The following RB1CC1 variants were observed in gnomAD, a reference collection of about 807,000 sequenced individuals.
The protein encoded by RB1CC1 is RB1-inducible coiled-coil protein 1.
Under a neutral mutation model 177.5 loss-of-function variants are expected in RB1CC1, and 46 were observed. The observed-to-expected ratio is 0.26, with a 90% CI of 0.20 to 0.33. The LOEUF (loss-of-function observed/expected upper bound fraction) is 0.33, where lower values mean the gene tolerates loss of function less well. Among genes scored for constraint, RB1CC1 ranks in the 10% least tolerant of loss-of-function variants. The pLI, the probability that RB1CC1 is intolerant of heterozygous loss-of-function variation, is 1.00. For missense variants in RB1CC1, 1,703 were observed against 1,816.3 expected (o/e 0.94, Z 1.13); for synonymous variants, 666 against 613.6 (o/e 1.09, Z -1.26).
Position 52,623,920 on chromosome 8 carries a change from A to G in RB1CC1, c.4708-61T>C. On this transcript the variant is annotated intron_variant, in intron 23 of 23. Transcript: ENST00000025008. ...ATTAAACCACATCTCTCTCTCTCACACACACACACACACACCCAAAAAACA... is the reference window on the plus strand; with the variant it reads ...ATTAAACCACATCTCTCTCTCTCACGCACACACACACACACCCAAAAAACA... 3 of 969,548 alleles carry G rather than the reference A, an allele frequency of 3.1e-6. No individual in the cohort carries two copies. In the South Asian group the frequency reaches 4.1e-5, roughly 13 times the overall value. The allele number at this position is 969,548 out of a possible 1,614,324, so 60.1% of individuals were successfully genotyped here.
intron 16 of RB1CC1, 118 bp from the exon 17 acceptor site, chr8:52,642,930 A>G (rs1348028782): frequency 9.1e-6 from 10 of 1,102,612 alleles, no homozygotes; most frequent in Admixed American, 3.7e-5. Context: ...ATGATGGGGT[A>G]TGATTCATGA....
intron 7 of RB1CC1, 102 bp downstream of exon 7, chr8:52,673,743 C>T: frequency 9.1e-7 from 1 of 1,101,076 alleles, no homozygotes; most frequent in South Asian, 1.9e-5. Flanking sequence ...TCATTTATTT[C>T]TACTAAAAGG....
chr8:52,666,279 A>G (rs1852059992), intron 8 of RB1CC1, among the ~76,000 whole-genome samples: 1 of 152,106 alleles, frequency 6.6e-6, no homozygotes, highest in South Asian at 2.1e-4. Context: ...TAATCCCAGC[A>G]CTTTTGGAGG....
chr8:52,660,703 A>G (rs1282008994), intron 11 of RB1CC1, 46 bp from the exon 12 acceptor site: 1 of 1,505,302 alleles, frequency 6.6e-7, no homozygotes, highest in Non-Finnish European at 9.0e-7. Flanking sequence ...GCTTTATTTA[A>G]GGCAAAAAAT....
intron 1 of RB1CC1, among the ~76,000 whole-genome samples, chr8:52,699,252 G>C (rs1448911913): frequency 1.3e-5 from 2 of 152,102 alleles, no homozygotes. Flanking sequence ...TACAAGCTGG[G>C]TGATTTTAGA....
intron 11 of RB1CC1, 54 bp downstream of exon 11, chr8:52,660,872 T>C (rs902489751): frequency 1.6e-5 from 24 of 1,462,336 alleles, no homozygotes; most frequent in Non-Finnish European, 2.2e-5. Flanking sequence ...AATCCAAGCT[T>C]ATAAAAACTT....
intron 5 of RB1CC1, among the ~76,000 whole-genome samples, chr8:52,682,745 T>C (rs1354550222): frequency 6.6e-6 from 1 of 152,198 alleles, no homozygotes; most frequent in Non-Finnish European, 1.5e-5. Context: ...AAATTCAGTT[T>C]ACATAAGTAT....
chr8:52,634,386 G>C (rs1053286411), intron 20 of RB1CC1, among the ~76,000 whole-genome samples: 1 of 151,984 alleles, frequency 6.6e-6, no homozygotes, highest in Non-Finnish European at 1.5e-5. Flanking sequence ...AGCCGGGTGT[G>C]ACGGCGCAGC....
chr8:52,673,935 A>T lies in RB1CC1; in HGVS notation c.912T>A (p.Phe304Leu), dbSNP rs565932495. ...IDTKDGDLPF[F>L]NVSLLDWINV... ...TTATCCAGTCTAACAAAGAGACATT[A>T]AAAAAGGGCAGATCACCATCTTTAG... The change falls in exon 7 of 24, where the codon TTT becomes TTA. Residue 304 changes from phenylalanine (F) to leucine (L), a missense_variant. Around this residue, in one of 6 missense-constraint regions of RB1CC1, gnomAD observed 315 missense variants for 304.9 expected, o/e 1.03. Coordinates refer to ENST00000025008, the MANE Select transcript of RB1CC1 (RefSeq NM_014781.5). 13 of 1,614,088 alleles carry T rather than the reference A, an allele frequency of 8.1e-6. No individual in the cohort carries two copies. The highest frequency in any genetic ancestry group is 3.3e-5 in the Admixed American group (2 of 60,028).
At chr8:52,679,419 T>C (rs1853482729) in intron 5 of RB1CC1, among the ~76,000 whole-genome samples, 1 of 152,234 alleles carries the variant, frequency 6.6e-6, no homozygotes, top group South Asian at 2.1e-4. Flanking sequence ...TCTTACTGTT[T>C]ATTGTTTATG....
At chr8:52,689,634 CACA>C (rs1563447652) in intron 1 of RB1CC1, among the ~76,000 whole-genome samples, 1 of 152,090 alleles carries the variant, frequency 6.6e-6, no homozygotes, top group Non-Finnish European at 1.5e-5. Flanking sequence ...TCCTTTCCAC[CACA>C]ACTTTTCACC....
chr8:52,661,502 A>G (rs749146459), intron 9 of RB1CC1, 33 bp downstream of exon 9: 1 of 1,532,124 alleles, frequency 6.5e-7, no homozygotes, highest in Non-Finnish European at 8.8e-7. Flanking sequence ...CCAATTCTAA[A>G]CATCTTAAAA....
chr8:52,697,082 C>A (rs1041331068), intron 1 of RB1CC1, among the ~76,000 whole-genome samples: 2 of 152,174 alleles, frequency 1.3e-5, no homozygotes, highest in African/African-American at 4.8e-5. Context: ...AGCGATTCAA[C>A]TGGACACAGC....
intron 1 of RB1CC1, among the ~76,000 whole-genome samples, chr8:52,698,063 T>C (rs1353486332): frequency 1.3e-5 from 2 of 152,138 alleles, no homozygotes; most frequent in Non-Finnish European, 2.9e-5. Flanking sequence ...CGGATAAAAA[T>C]TAAAAATTTG....
intron 1 of RB1CC1, among the ~76,000 whole-genome samples, chr8:52,702,483 G>A (rs1473459656): frequency 2.0e-5 from 3 of 152,268 alleles, no homozygotes; most frequent in South Asian, 2.1e-4. Flanking sequence ...TTGGGAGGCC[G>A]AGGCAGGTGG....
rs566416312 is a variant in RB1CC1 at position 52,714,313 on chromosome 8, G to A, written c.-405C>T. ...CCCTCGGCTCTGGGTCTGGGGCCGG[G>A]GGACAGAAGGCCGCGGCCTGTCAGA... is the stretch of plus-strand genomic sequence containing the variant. On this transcript the variant is annotated 5_prime_UTR_variant, in exon 1 of 24. Coordinates refer to ENST00000025008, the MANE Select transcript of RB1CC1 (RefSeq NM_014781.5). 1.2e-5 allele frequency: 2 copies of A among 160,144 alleles called. No homozygotes were observed. The highest frequency in any genetic ancestry group is 2.0e-4 in the East Asian group (1 of 5,128). 9.9% of individuals were successfully genotyped at this position (160,144 alleles called of 1,614,324 possible).
At chr8:52,686,671 G>A (rs112227060) in intron 2 of RB1CC1, among the ~76,000 whole-genome samples, 182 bp downstream of exon 2, 170 of 152,242 alleles carry the variant, frequency 1.1e-3, no homozygotes, top group Non-Finnish European at 1.6e-3. Flanking sequence ...ACTGGTGAAC[G>A]ATAACTATAA....
Position 52,658,942 on chromosome 8 carries a change from G to A in RB1CC1, c.1724C>T (p.Pro575Leu), listed in dbSNP as rs199882417. 3 of 1,575,170 alleles carry A rather than the reference G, an allele frequency of 1.9e-6. No individual in the cohort carries two copies. Among genetic ancestry groups the A allele is most frequent in the East Asian group, 2.3e-5 (1 of 42,928 alleles). Residue 575 changes from proline (P) to leucine (L), a missense_variant, in exon 13 of 24, where the codon CCA becomes CTA. Transcript: ENST00000025008. ...CTGTAAATCTTTTAATGAAATATCT[G>A]GAAGTTCACAGTCAAACTTTCGAGG... is the stretch of plus-strand genomic sequence containing the variant. ...QKPRKFDCEL[P>L]DISLKDLQFL...
chr8:52,688,933 A>G (rs1249525401), intron 1 of RB1CC1, among the ~76,000 whole-genome samples: 3 of 152,164 alleles, frequency 2.0e-5, no homozygotes, highest in Non-Finnish European at 2.9e-5. Context: ...GGTTCCCCCA[A>G]TAGGATGTCA....
Sources: allele counts gnomAD v4.1 joint callset (sites outside exome capture counted in the v4.1 genomes callset), GRCh38; gene constraint gnomAD v4.1.1; regional missense constraint gnomAD v4.1.1; transcripts MANE v1.5; gene names NCBI Gene and HGNC (gene_info 2026-07-23, HGNC 2026-07-21).